Variants in HMGCLL1 observed in about 807,000 individuals in gnomAD.
The protein encoded by HMGCLL1 is 3-hydroxy-3-methylglutaryl-CoA lyase like 1.
In HMGCLL1, 36 loss-of-function variants were observed where a neutral mutation model predicts 39.1. The ratio of observed to expected loss-of-function variants is 0.92; its 90% CI spans 0.71 to 1.22. The LOEUF (loss-of-function observed/expected upper bound fraction) is 1.22. Among genes scored for constraint, HMGCLL1 ranks in the 50% most tolerant of loss-of-function variants. The pLI, the probability that HMGCLL1 is intolerant of heterozygous loss-of-function variation, is 0.00. For synonymous variants in HMGCLL1, 149 were observed against 144.0 expected (o/e 1.03, Z -0.25); for missense variants, 451 against 416.5 (o/e 1.08, Z -0.72).
chr6:55,581,020 A>C (rs1192774418), upstream of HMGCLL1, among the ~76,000 whole-genome samples: 2 of 152,238 alleles, frequency 1.3e-5, no homozygotes, highest in Non-Finnish European at 2.9e-5. Context: ...TAAAAGATCC[A>C]ACTTCAACAA....
chr6:55,471,294 G>A (rs1232550715), intron 7 of HMGCLL1, among the ~76,000 whole-genome samples: 5 of 151,034 alleles, frequency 3.3e-5, no homozygotes, highest in African/African-American at 1.2e-4. Context: ...TTTCATTTGT[G>A]TGAATATGGC....
chr6:55,437,101 A>C (rs1039559010), intron 8 of HMGCLL1, among the ~76,000 whole-genome samples: 3 of 152,058 alleles, frequency 2.0e-5, no homozygotes, highest in Non-Finnish European at 4.4e-5. Flanking sequence ...ACAATTATAC[A>C]GTAGAATTTG....
At chr6:55,610,944 T>C in the HMGCLL1 span, among the ~76,000 whole-genome samples, 1 of 152,118 alleles carries the variant, frequency 6.6e-6, no homozygotes, top group Non-Finnish European at 1.5e-5. Context: ...CTAAGCTTCA[T>C]AAGTGAAGGA....
intron 7 of HMGCLL1, among the ~76,000 whole-genome samples, chr6:55,476,389 C>T (rs759797992): frequency 1.5e-4 from 22 of 151,448 alleles, no homozygotes; most frequent in Admixed American, 1.1e-3. Flanking sequence ...ATAACAGTAC[C>T]AGTAATTTTT....
At chr6:55,627,940 TAG>T in the HMGCLL1 span, among the ~76,000 whole-genome samples, 1 of 31,572 alleles carries the variant, frequency 3.2e-5, no homozygotes, top group Admixed American at 5.9e-4. Context: ...ACTATATATA[TAG>T]TATATATACT....
At chr6:55,640,378 A>C in the HMGCLL1 span, among the ~76,000 whole-genome samples, 1 of 152,166 alleles carries the variant, frequency 6.6e-6, no homozygotes, top group African/African-American at 2.4e-5. Context: ...ACGCTTGCCT[A>C]CTACAAGAAT....
chr6:55,606,472 C>T, the HMGCLL1 span, among the ~76,000 whole-genome samples: 1 of 152,024 alleles, frequency 6.6e-6, no homozygotes. Context: ...GTTCCTAGCC[C>T]AGTGTTCTGC....
chr6:55,637,623 T>C, the HMGCLL1 span, among the ~76,000 whole-genome samples: 1 of 152,074 alleles, frequency 6.6e-6, no homozygotes, highest in Non-Finnish European at 1.5e-5. Flanking sequence ...TATCTAGTCA[T>C]AGGCCTCCTG....
Position 55,435,691 on chromosome 6 carries a change from T to C in HMGCLL1, c.994A>G (p.Lys332Glu). 6.2e-7 allele frequency: 1 copy of C among 1,605,338 alleles called. No individual in the cohort carries two copies. The highest frequency in any genetic ancestry group is 8.5e-7 in the Non-Finnish European group (1 of 1,174,212). Residue 332 changes from lysine (K) to glutamate (E), a missense_variant, in exon 9 of 9, where the codon AAA becomes GAA. By Grantham distance (56) the Lys-to-Glu change is moderately conservative. Transcript: ENST00000274901. Reference protein sequence around the residue: ...CKAVNKTTNSKVAQASFNA With the variant: ...CKAVNKTTNSEVAQASFNA ...GCATTGAAGGAGGCTTGTGCTACTTTAGAGTTTGTGGTTTTATTCACAGCT... is the reference window on the plus strand; with the variant it reads ...GCATTGAAGGAGGCTTGTGCTACTTCAGAGTTTGTGGTTTTATTCACAGCT...
chr6:55,671,957 GT>G, the HMGCLL1 span, among the ~76,000 whole-genome samples: 3 of 151,688 alleles, frequency 2.0e-5, no homozygotes, highest in African/African-American at 7.2e-5. Context: ...CAGGGTATGT[GT>G]TTTTAGTGGA....
intron 7 of HMGCLL1, among the ~76,000 whole-genome samples, chr6:55,468,550 T>C (rs183880733): frequency 5.6e-4 from 85 of 152,024 alleles, no homozygotes; most frequent in Non-Finnish European, 9.7e-4. Context: ...GATTGACTGT[T>C]AGCTGAGGAA....
the HMGCLL1 span, among the ~76,000 whole-genome samples, chr6:55,628,023 A>AG: frequency 2.0e-4 from 2 of 10,242 alleles, 1 homozygote; most frequent in Non-Finnish European, 2.7e-4. Flanking sequence ...TATATATAAT[A>AG]TATATATAGT....
the HMGCLL1 span, among the ~76,000 whole-genome samples, chr6:55,639,297 C>A: frequency 6.6e-6 from 1 of 151,584 alleles, no homozygotes; most frequent in Non-Finnish European, 1.5e-5. Flanking sequence ...ACCTTATTAG[C>A]AAACATTTAG....
chr6:55,550,528 C>T (rs79437838), intron 1 of HMGCLL1, among the ~76,000 whole-genome samples: 8 of 151,872 alleles, frequency 5.3e-5, no homozygotes, highest in South Asian at 2.1e-4. Context: ...ATGGCAATAA[C>T]GTCCCGCAAA....
chr6:55,649,208 C>G, the HMGCLL1 span, among the ~76,000 whole-genome samples: 1 of 152,072 alleles, frequency 6.6e-6, no homozygotes, highest in East Asian at 1.9e-4. Context: ...TCGTCTCACT[C>G]ATTAACATTC....
At chr6:55,595,151 A>G in the HMGCLL1 span, among the ~76,000 whole-genome samples, 1 of 152,254 alleles carries the variant, frequency 6.6e-6, no homozygotes, top group African/African-American at 2.4e-5. Context: ...TGAAGGTTGT[A>G]CTGACCACGT....
intron 3 of HMGCLL1, among the ~76,000 whole-genome samples, chr6:55,533,742 C>T (rs1410570036): frequency 6.7e-6 from 1 of 149,738 alleles, no homozygotes; most frequent in Non-Finnish European, 1.5e-5. Flanking sequence ...AAAAATTAGC[C>T]GGGCGTGGTA....
chr6:55,562,312 T>C (rs997700238), intron 1 of HMGCLL1, among the ~76,000 whole-genome samples: 9 of 152,302 alleles, frequency 5.9e-5, no homozygotes, highest in Middle Eastern at 3.4e-3. Flanking sequence ...ATTTAGTTGA[T>C]TGACTAAATT....
intron 3 of HMGCLL1, among the ~76,000 whole-genome samples, chr6:55,538,292 T>A (rs1040664080): frequency 2.0e-5 from 3 of 152,196 alleles, no homozygotes; most frequent in Admixed American, 2.0e-4. Context: ...AGTTGGTCAA[T>A]ATTCATCAAA....
Sources: gnomAD v4.1 joint callset for allele counts (sites outside exome capture counted in the v4.1 genomes callset) on GRCh38, gnomAD v4.1.1 for gene constraint, MANE v1.5 for transcripts, NCBI Gene and HGNC (gene_info 2026-07-23, HGNC 2026-07-21) for gene names.